TPST1: variants seen among roughly 807,000 people sequenced by gnomAD.
TPST1 encodes tyrosylprotein sulfotransferase 1.
In TPST1, 20 loss-of-function variants were observed where a neutral mutation model predicts 34.8. The observed-to-expected ratio is 0.57, with a 90% CI of 0.40 to 0.84. TPST1 has a LOEUF of 0.84. Among genes scored for constraint, TPST1 ranks in the 40% least tolerant of loss-of-function variants. TPST1 has a pLI of 0.00. For missense variants in TPST1, 353 were observed against 455.5 expected (o/e 0.78, Z 2.05); for synonymous variants, 152 against 159.4 (o/e 0.95, Z 0.35).
intron 1 of TPST1, among the ~76,000 whole-genome samples, chr7:66,225,880 TG>T (rs1305882272): frequency 6.6e-6 from 1 of 151,860 alleles, no homozygotes; most frequent in Non-Finnish European, 1.5e-5. Flanking sequence ...GTACCTGTTT[TG>T]TTTTTGTTTT....
intron 3 of TPST1, among the ~76,000 whole-genome samples, chr7:66,301,037 A>G (rs1791305525): frequency 6.6e-6 from 1 of 152,168 alleles, no homozygotes. Flanking sequence ...AGCAAGCATG[A>G]AAACAGCATT....
At chr7:66,314,061 C>T (rs1048052897) in intron 3 of TPST1, among the ~76,000 whole-genome samples, 3 of 152,038 alleles carry the variant, frequency 2.0e-5, no homozygotes, top group East Asian at 1.9e-4. Context: ...GATTATTATT[C>T]GGGTTATGCA....
intron 1 of TPST1, among the ~76,000 whole-genome samples, chr7:66,238,171 C>CCTTA (rs1311288872): frequency 6.6e-6 from 1 of 152,034 alleles, no homozygotes; most frequent in East Asian, 1.9e-4. Context: ...GGGTGATTAC[C>CCTTA]CTTATCTTAT....
At chr7:66,355,797 C>G (rs1792570119) in intron 4 of TPST1, among the ~76,000 whole-genome samples, 1 of 150,452 alleles carries the variant, frequency 6.6e-6, no homozygotes, top group African/African-American at 2.4e-5. Context: ...CCCAGCTGCT[C>G]CTGAGGCTGA....
chr7:66,350,957 CACAT>C (rs1307415116), intron 3 of TPST1, among the ~76,000 whole-genome samples: 3 of 152,296 alleles, frequency 2.0e-5, no homozygotes, highest in Admixed American at 6.5e-5. Flanking sequence ...TAGTATATCA[CACAT>C]ACAGTATACC....
At chr7:66,281,840 G>A (rs1790938114) in intron 2 of TPST1, among the ~76,000 whole-genome samples, 1 of 152,176 alleles carries the variant, frequency 6.6e-6, no homozygotes, top group African/African-American at 2.4e-5. Flanking sequence ...GAGTCTCGTG[G>A]AAGATCCATG....
At chr7:66,355,635 C>T (rs976916696) in intron 4 of TPST1, among the ~76,000 whole-genome samples, 1 of 151,442 alleles carries the variant, frequency 6.6e-6, no homozygotes, top group East Asian at 1.9e-4. Context: ...CGTGGTGGCT[C>T]CCACCTGTAA....
At chr7:66,309,159 A>G (rs1791481904) in intron 3 of TPST1, among the ~76,000 whole-genome samples, 1 of 152,208 alleles carries the variant, frequency 6.6e-6, no homozygotes, top group Non-Finnish European at 1.5e-5. Flanking sequence ...TTGGCCTCCC[A>G]AAGTGCTGGG....
intron 3 of TPST1, among the ~76,000 whole-genome samples, chr7:66,318,604 C>T (rs1222872701): frequency 1.3e-5 from 2 of 152,058 alleles, no homozygotes; most frequent in Admixed American, 6.5e-5. Context: ...GTAGCTCCTA[C>T]TACAGGTGCC....
chr7:66,239,867 T>TTTTTGTTTTG (rs565496187), intron 1 of TPST1, among the ~76,000 whole-genome samples: 8 of 152,186 alleles, frequency 5.3e-5, no homozygotes, highest in African/African-American at 1.9e-4. Context: ...TACTCATTTG[T>TTTTTGTTTTG]TTTTGTTTTG....
rs368651729 is a variant in TPST1, at chr7:66,233,577, A to G, written c.-101-6748A>G. On this transcript the variant is annotated intron_variant, in intron 1 of 5. Coordinates refer to ENST00000304842, the MANE Select transcript of TPST1 (RefSeq NM_003596.4). ...GTGTCCATTTTTATGCCAGTACTAC[A>G]TTGTCTTACGATTGTAGCATTTAGT... Among the ~76,000 whole-genome samples, 5 of 152,244 alleles carry G rather than the reference A, an allele frequency of 3.3e-5. No individual in the cohort carries two copies. In the East Asian group the frequency reaches 5.8e-4, roughly 18 times the overall value.
chr7:66,319,071 ATT>A (rs1384277973), intron 3 of TPST1, among the ~76,000 whole-genome samples: 1 of 151,814 alleles, frequency 6.6e-6, no homozygotes, highest in Non-Finnish European at 1.5e-5. Context: ...TTTCTCATTT[ATT>A]TGTTTTGTTT....
chr7:66,236,984 G>A (rs746784824), intron 1 of TPST1, among the ~76,000 whole-genome samples: 8 of 152,172 alleles, frequency 5.3e-5, no homozygotes, highest in Non-Finnish European at 1.0e-4. Context: ...CACATACAAA[G>A]TTTAGGCTTT....
chr7:66,285,832 G>A (rs1409876147), intron 2 of TPST1, among the ~76,000 whole-genome samples: 2 of 152,116 alleles, frequency 1.3e-5, no homozygotes, highest in African/African-American at 4.8e-5. Flanking sequence ...CATGTCAAGA[G>A]GTAGAACACA....
rs549094675 is a variant in TPST1, at chr7:66,221,642, G to C, written c.-102+16120G>C. 8 of 152,346 alleles carry C rather than the reference G, an allele frequency of 5.3e-5. No homozygotes were observed. The South Asian group carries it at 1.5e-3, about 28-fold the overall frequency. 9.4% of individuals were successfully genotyped at this position (152,346 alleles called of 1,614,324 possible). On this transcript the variant is annotated intron_variant, in intron 1 of 5. Coordinates refer to ENST00000304842, the MANE Select transcript of TPST1 (RefSeq NM_003596.4). ...TGAGAGCTGGCTGCAGATGAAGCAG[G>C]GTGAGTGTAGGAGTGTGAGTAAGGG...
chr7:66,349,857 T>C (rs1792436987), intron 3 of TPST1, among the ~76,000 whole-genome samples: 1 of 152,116 alleles, frequency 6.6e-6, no homozygotes, highest in Non-Finnish European at 1.5e-5. Context: ...TTCTAGTAGC[T>C]TCAGCCCCTC....
intron 2 of TPST1, among the ~76,000 whole-genome samples, chr7:66,252,772 T>G (rs148210642): frequency 9.8e-5 from 15 of 152,342 alleles, no homozygotes; most frequent in African/African-American, 3.6e-4. Context: ...TTTAGAATTT[T>G]TTGTAAAAAA....
At chr7:66,243,482 C>T (rs1790079292) in intron 2 of TPST1, among the ~76,000 whole-genome samples, 1 of 152,046 alleles carries the variant, frequency 6.6e-6, no homozygotes, top group South Asian at 2.1e-4. Flanking sequence ...CTCTCTGTGT[C>T]ATCCAGGCTG....
At chr7:66,250,301 C>T (rs1746551334) in intron 2 of TPST1, among the ~76,000 whole-genome samples, 2 of 152,172 alleles carry the variant, frequency 1.3e-5, no homozygotes, top group African/African-American at 4.8e-5. Context: ...CTCCGTCCCA[C>T]AGTTGGAAGA....
Sources: gnomAD v4.1 joint callset for allele counts (sites outside exome capture counted in the v4.1 genomes callset) on GRCh38, gnomAD v4.1.1 for gene constraint, MANE v1.5 for transcripts, NCBI Gene and HGNC (gene_info 2026-07-23, HGNC 2026-07-21) for gene names.